Variants in SLAIN2 observed in about 807,000 individuals in gnomAD.
The protein encoded by SLAIN2 is SLAIN family member 2, also known as SLAIN motif-containing protein 2.
In SLAIN2, 31 loss-of-function variants were observed where a neutral mutation model predicts 56.6. The observed-to-expected ratio is 0.55, with a 90% CI of 0.41 to 0.74. The LOEUF (loss-of-function observed/expected upper bound fraction) is 0.74, where lower values mean the gene tolerates loss of function less well. Ranked by LOEUF, SLAIN2 falls within the 30% of genes least tolerant of loss-of-function variation. The pLI is 0.00. For synonymous variants in SLAIN2, 317 were observed against 284.9 expected, an observed-to-expected ratio of 1.11 and a Z score of -1.13; for missense variants, 777 against 754.2, an observed-to-expected ratio of 1.03 and a Z score of -0.35.
At position 48,375,390 on chromosome 4, in the gene SLAIN2, C is replaced by T. The variant is rs372737062; in HGVS notation, c.539-2506C>T. Among the ~76,000 whole-genome samples, 8 of 152,236 alleles carry T rather than the reference C, an allele frequency of 5.3e-5. No homozygotes were observed. The South Asian group carries it at 1.0e-3, about 20-fold the overall frequency. ...CTAACTAAACAGAAAACATATGTTC[C>T]TCCTCCCCAAAACCACTACTACCAG... On this transcript the variant is annotated intron_variant, in intron 2 of 7. Transcript: ENST00000264313.
intron 1 of SLAIN2, among the ~76,000 whole-genome samples, chr4:48,356,583 G>A (rs1449001969): frequency 2.0e-5 from 3 of 152,174 alleles, no homozygotes; most frequent in Non-Finnish European, 1.5e-5. Context: ...CTGTCTTCCT[G>A]ATGTCTTCTC....
At chr4:48,403,632 C>G (rs940879271) in intron 6 of SLAIN2, among the ~76,000 whole-genome samples, 1 of 152,196 alleles carries the variant, frequency 6.6e-6, no homozygotes, top group Non-Finnish European at 1.5e-5. Flanking sequence ...CAGGCAGTCT[C>G]CAGCCTGCTA....
At chr4:48,344,853 TA>T (rs921575567) in intron 1 of SLAIN2, among the ~76,000 whole-genome samples, 2 of 151,212 alleles carry the variant, frequency 1.3e-5, no homozygotes, top group Non-Finnish European at 1.5e-5. Flanking sequence ...TCTGTTTCAT[TA>T]AAAAAAAATG....
At chr4:48,395,003 C>T (rs1157109894) in intron 6 of SLAIN2, among the ~76,000 whole-genome samples, 5 of 152,060 alleles carry the variant, frequency 3.3e-5, no homozygotes. Context: ...ATGTTTTTTC[C>T]TCAGACTTCA....
chr4:48,346,137 A>G (rs1181806427), intron 1 of SLAIN2, among the ~76,000 whole-genome samples: 2 of 152,244 alleles, frequency 1.3e-5, no homozygotes, highest in Admixed American at 1.3e-4. Flanking sequence ...TGAATGTTCT[A>G]GCATTTCATG....
chr4:48,351,880 C>T (rs1396876), intron 1 of SLAIN2, among the ~76,000 whole-genome samples: 2,748 of 152,164 alleles, frequency 0.018, 34 homozygotes, highest in Middle Eastern at 0.041. Flanking sequence ...AAGTGAGAGC[C>T]GGGACTTTGG....
chr4:48,341,552 G>A lies in SLAIN2; in HGVS notation c.-188G>A. ...CCAATCCCGGAGCCGGCGCAGATGA[G>A]GCAGTTCGGCTGGGGCCAGCGGCGC... On this transcript the variant is annotated 5_prime_UTR_variant, in exon 1 of 8. Transcript: ENST00000264313. 1.2e-6 allele frequency: 1 copy of A among 823,304 alleles called. No individual in the cohort carries two copies. Among genetic ancestry groups the A allele is most frequent in the Non-Finnish European group, 1.7e-6 (1 of 580,290 alleles). The allele number at this position is 823,304 out of a possible 1,614,324, so 51.0% of individuals were successfully genotyped here. A position where few individuals can be genotyped will look rare whatever the true frequency, so the allele number is the denominator to read the frequency against.
At chr4:48,389,615 TATCTC>T (rs778845098) in intron 6 of SLAIN2, among the ~76,000 whole-genome samples, 4 of 152,224 alleles carry the variant, frequency 2.6e-5, no homozygotes, top group Non-Finnish European at 4.4e-5. Flanking sequence ...TATTAAAAGA[TATCTC>T]AGCCAGCTCA....
chr4:48,358,323 CT>C (rs34430243), intron 1 of SLAIN2, among the ~76,000 whole-genome samples: 121 of 145,696 alleles, frequency 8.3e-4, no homozygotes, highest in Non-Finnish European at 7.4e-4. Context: ...ACTAACAAAG[CT>C]TTTTTTTTTT....
Position 48,420,268 on chromosome 4 carries a change from G to A in SLAIN2, c.1504G>A (p.Gly502Arg). The part of the protein sequence containing the change: ...TQLTQTTSSP[G>R]PPMVQSTVSA... ...GCTCACACAAACCACCTCCTCACCTGGGCCTCCTATGGTTCAGAGCACAGT... is the reference window on the plus strand; with the variant it reads ...GCTCACACAAACCACCTCCTCACCTAGGCCTCCTATGGTTCAGAGCACAGT... The change falls in exon 7 of 8, where the codon GGG becomes AGG. Residue 502 changes from glycine (G) to arginine (R), a missense_variant. Coordinates refer to ENST00000264313, the MANE Select transcript of SLAIN2 (RefSeq NM_020846.2). 2 of 1,613,862 alleles carry A rather than the reference G, an allele frequency of 1.2e-6. No individual in the cohort carries two copies. The highest frequency in any genetic ancestry group is 1.1e-5 in the South Asian group (1 of 91,078).
At chr4:48,359,739 A>G (rs1402094844) in intron 1 of SLAIN2, among the ~76,000 whole-genome samples, 6 of 152,254 alleles carry the variant, frequency 3.9e-5, no homozygotes, top group Admixed American at 2.6e-4. Flanking sequence ...TTTAATCACC[A>G]TATTATACAG....
At chr4:48,399,894 G>C (rs143945262) in intron 6 of SLAIN2, among the ~76,000 whole-genome samples, 1 of 151,934 alleles carries the variant, frequency 6.6e-6, no homozygotes, top group Non-Finnish European at 1.5e-5. Flanking sequence ...GTGCTGCTGG[G>C]TTCAGTTTGC....
At chr4:48,392,428 C>T (rs551787750) in intron 6 of SLAIN2, among the ~76,000 whole-genome samples, 26 of 152,188 alleles carry the variant, frequency 1.7e-4, no homozygotes, top group East Asian at 3.9e-4. Flanking sequence ...TCATTATAGA[C>T]GTTATTTAAT....
intron 6 of SLAIN2, among the ~76,000 whole-genome samples, chr4:48,392,830 G>T (rs1335784162): frequency 6.7e-6 from 1 of 149,392 alleles, no homozygotes; most frequent in Non-Finnish European, 1.5e-5. Context: ...CTGCCTCATT[G>T]TCTGTCTCCC....
chr4:48,418,004 T>C (rs1414210708), intron 6 of SLAIN2, among the ~76,000 whole-genome samples: 1 of 152,198 alleles, frequency 6.6e-6, no homozygotes, highest in Non-Finnish European at 1.5e-5. Flanking sequence ...TGTGTGTGTG[T>C]AGATTCATTG....
At chr4:48,372,163 G>A (rs527929265) in intron 2 of SLAIN2, among the ~76,000 whole-genome samples, 1 of 151,836 alleles carries the variant, frequency 6.6e-6, no homozygotes, top group Non-Finnish European at 1.5e-5. Flanking sequence ...TCATTGAACA[G>A]CATGTATTGA....
In SLAIN2 at chr4:48,423,319, T is replaced by C. The variant is rs1717211868; in HGVS notation, c.*1242T>C. ...CGTATGACTCTAACCTGATACTTGC[T>C]CTCTAATGGCTCTTAATATATCCTT... On this transcript the variant is annotated 3_prime_UTR_variant, in exon 8 of 8. Transcript: ENST00000264313. 6.6e-6 allele frequency: 1 copy of C among 152,184 alleles called. No homozygotes were observed. The highest frequency in any genetic ancestry group is 6.5e-5 in the Admixed American group (1 of 15,272). 9.4% of individuals were successfully genotyped at this position (152,184 alleles called of 1,614,324 possible). A position where few individuals can be genotyped will look rare whatever the true frequency, so the allele number is the denominator to read the frequency against.
chr4:48,420,318 C>T lies in SLAIN2; in HGVS notation c.1554C>T (p.Ile518=), dbSNP rs758091141. ...STVSANPPSN[I]NSATLTRPAG... ...TCTCAGCAAATCCTCCCAGCAATAT[C>T]AACAGCGCTACTCTAACCAGACCTG... Residue 518 remains isoleucine, a synonymous_variant, in exon 7 of 8, where the codon ATC becomes ATT. Coordinates refer to ENST00000264313, the MANE Select transcript of SLAIN2 (RefSeq NM_020846.2). The T allele has an allele frequency of 1.9e-6, 3 of 1,614,008 alleles. No homozygotes were observed. Among genetic ancestry groups the T allele is most frequent in the Non-Finnish European group, 2.5e-6 (3 of 1,179,882 alleles).
Position 48,422,025 on chromosome 4 carries a change from C to A in SLAIN2, c.1694C>A (p.Pro565His). ...AQPVRRSLPA[P>H]KTYGSMKDDS... ...CTTTATTACAGATCCTTGCCAGCTC[C>A]TAAAACCTATGGTAGCATGAAAGAT... Residue 565 changes from proline to histidine, a missense_variant, in exon 8 of 8, where the codon CCT becomes CAT. Pro to His is a moderately conservative substitution (Grantham distance 77). Coordinates refer to ENST00000264313, the MANE Select transcript of SLAIN2 (RefSeq NM_020846.2). The A allele has an allele frequency of 6.2e-7, 1 of 1,609,914 alleles. No homozygotes were observed.
Sources: gnomAD v4.1 joint callset for allele counts (sites outside exome capture counted in the v4.1 genomes callset) on GRCh38, gnomAD v4.1.1 for gene constraint, MANE v1.5 for transcripts, NCBI Gene and HGNC (gene_info 2026-07-23, HGNC 2026-07-21) for gene names.